Variants in RNFT1 observed in about 807,000 individuals in gnomAD.
RNFT1 encodes E3 ubiquitin-protein ligase RNFT1.
In RNFT1, 35 loss-of-function variants were observed where a neutral mutation model predicts 53.2. The ratio of observed to expected loss-of-function variants is 0.66; its 90% CI spans 0.50 to 0.87. RNFT1 has a LOEUF of 0.87. Ranked by LOEUF, RNFT1 falls within the 40% of genes least tolerant of loss-of-function variation. The pLI, the probability that RNFT1 is intolerant of heterozygous loss-of-function variation, is 0.00. For synonymous variants in RNFT1, 141 were observed against 172.8 expected, an observed-to-expected ratio of 0.82 and a Z score of 1.44; for missense variants, 421 against 515.0, an observed-to-expected ratio of 0.82 and a Z score of 1.77.
chr17:59,956,833 C>T (rs187116249), intron 6 of RNFT1, among the ~76,000 whole-genome samples: 1 of 152,284 alleles, frequency 6.6e-6, no homozygotes, highest in Admixed American at 6.5e-5. Context: ...CTGTTTTTAA[C>T]ATTTAGATTT....
intron 5 of RNFT1, 26 bp from the exon 6 acceptor site, chr17:59,957,408 G>A (rs1262520524): frequency 2.5e-6 from 4 of 1,588,152 alleles, no homozygotes; most frequent in Non-Finnish European, 3.4e-6. Context: ...AAAACAAATA[G>A]AGCTACCCAA....
At chr17:59,953,176 G>T in intron 8 of RNFT1, 65 bp from the exon 9 acceptor site, 4 of 1,267,458 alleles carry the variant, frequency 3.2e-6, no homozygotes, top group Admixed American at 2.4e-5. Context: ...ACATTGTAGG[G>T]AATGAAAGGG....
At chr17:59,964,509 T>C (rs1404274049) in intron 1 of RNFT1, 99 bp downstream of exon 1, 6 of 1,073,320 alleles carry the variant, frequency 5.6e-6, no homozygotes, top group Non-Finnish European at 8.0e-6. Context: ...GGCAGAGTTC[T>C]CCACCCACGT....
rs2045285121 is a variant in RNFT1 at position 59,960,696 on chromosome 17, C to T, written c.592-528G>A. Among the ~76,000 whole-genome samples the T allele has an allele frequency of 2.0e-5, 3 of 151,778 alleles. No homozygotes were observed. In the South Asian group the frequency reaches 6.2e-4, roughly 32 times the overall value. ...GGCGCCGTGGCACGTGCCTGTAATC[C>T]CAGCTACTCAGGAGGCTGAGGCACG... On this transcript the variant is annotated intron_variant, in intron 3 of 8. Transcript: ENST00000305783.
chr17:59,961,110 C>T (rs1447513985), intron 3 of RNFT1, among the ~76,000 whole-genome samples: 1 of 151,336 alleles, frequency 6.6e-6, no homozygotes, highest in Non-Finnish European at 1.5e-5. Context: ...GATCACAACT[C>T]ACTGCAGCCC....
At chr17:59,958,152 C>A in intron 5 of RNFT1, 139 bp downstream of exon 5, 1 of 782,358 alleles carries the variant, frequency 1.3e-6, no homozygotes, top group Non-Finnish European at 2.0e-6. Context: ...CAAATGGTTG[C>A]TAAGCTGAAA....
At position 59,960,185 on chromosome 17, in the gene RNFT1, T is replaced by G; in HGVS notation, c.592-17A>C. ...GGACCTTTCCTGAAAGATAAACAAT[T>G]TTATAATGTTACTTTGATTTTGCCA... On this transcript the variant is annotated splice_polypyrimidine_tract_variant and intron_variant, in intron 3 of 8. Transcript: ENST00000305783. 1 of 1,589,966 alleles carries G rather than the reference T, an allele frequency of 6.3e-7. No individual in the cohort carries two copies. Among genetic ancestry groups the G allele is most frequent in the South Asian group, 1.2e-5 (1 of 86,112 alleles).
At chr17:59,953,211 T>C in intron 8 of RNFT1, 100 bp from the exon 9 acceptor site, 1 of 958,142 alleles carries the variant, frequency 1.0e-6, no homozygotes, top group Non-Finnish European at 1.5e-6. Flanking sequence ...TTTTTTGAGA[T>C]GGAGACTGAA....
chr17:59,953,160 TC>T, intron 8 of RNFT1, 49 bp from the exon 9 acceptor site: 1 of 1,438,460 alleles, frequency 7.0e-7, no homozygotes, highest in Non-Finnish European at 9.6e-7. Flanking sequence ...TCATTTTAAA[TC>T]CATCACATTG....
Position 59,952,957 on chromosome 17 carries a change from G to A in RNFT1, c.*20C>T. 5 of 1,607,436 alleles carry A rather than the reference G, an allele frequency of 3.1e-6. 1 individual carries two copies. In the Admixed American group the frequency reaches 8.4e-5, roughly 27 times the overall value. On this transcript the variant is annotated 3_prime_UTR_variant, in exon 9 of 9. Coordinates refer to ENST00000305783, the MANE Select transcript of RNFT1 (RefSeq NM_016125.4). ...GACCAAATGACATTAGTATTTTGTG[G>A]CCTTGATAGTTTATACAACTTAATA...
In RNFT1 at chr17:59,957,238, A is replaced by G. The variant is rs1327621597; in HGVS notation, c.991T>C (p.Tyr331His). The G allele has an allele frequency of 3.1e-6, 5 of 1,612,858 alleles. No homozygotes were observed. Among genetic ancestry groups the G allele is most frequent in the Admixed American group, 3.4e-5 (2 of 59,658 alleles). The stretch of plus-strand genomic sequence containing the variant: ...ATGTTACCTACTTTTAATATGAGGT[A>G]GAGTAAAGCCAGCAGTATCCCAAGA... ...WSLGILLALL[Y>H]LILKLLEFFG... Residue 331 changes from tyrosine (Y) to histidine (H), a missense_variant, in exon 6 of 9, where the codon TAC (tyrosine) becomes CAC (histidine). Tyr to His is a moderately conservative substitution (Grantham distance 83). Coordinates refer to ENST00000305783, the MANE Select transcript of RNFT1 (RefSeq NM_016125.4).
rs2045321990 is a variant in RNFT1 at position 59,964,655 on chromosome 17, C to G, written c.9G>C (p.Leu3=). ...GAGGTGTCGGGAGCGACAGCAAGAA[C>G]AGCGGCATACACCGCCTCCAGCCCT... MP[L]FLLSLPTPPS... is the part of the protein sequence containing the mutation. The change falls in exon 1 of 9, where the codon CTG becomes CTC. Residue 3 remains leucine (L), a synonymous_variant. Transcript: ENST00000305783. The G allele has an allele frequency of 1.9e-6, 3 of 1,607,766 alleles. No homozygotes were observed. The African/African-American group carries it at 4.0e-5, about 22-fold the overall frequency.
At chr17:59,955,787 T>C (rs1259773813) in intron 7 of RNFT1, among the ~76,000 whole-genome samples, 1 of 152,150 alleles carries the variant, frequency 6.6e-6, no homozygotes, top group Non-Finnish European at 1.5e-5. Context: ...CCTTGGGCCC[T>C]GATGAAATGA....
At chr17:59,956,820 C>T (rs554974721) in intron 6 of RNFT1, among the ~76,000 whole-genome samples, 9 of 152,252 alleles carry the variant, frequency 5.9e-5, no homozygotes, top group African/African-American at 1.9e-4. Context: ...TTATCTGATT[C>T]ACCTGTTTTT....
intron 2 of RNFT1, 45 bp from the exon 3 acceptor site, chr17:59,962,661 A>G (rs1272168145): frequency 8.9e-6 from 13 of 1,464,976 alleles, no homozygotes; most frequent in Non-Finnish European, 8.4e-6. Context: ...AAAAAAATCA[A>G]AGAGGATTAT....
chr17:59,958,539 T>C (rs2045268066), intron 4 of RNFT1, 95 bp from the exon 5 acceptor site: 1 of 1,034,876 alleles, frequency 9.7e-7, no homozygotes, highest in Non-Finnish European at 1.4e-6. Context: ...TTTATTTTGA[T>C]ATGTAAAAAA....
intron 3 of RNFT1, among the ~76,000 whole-genome samples, chr17:59,960,450 A>AG (rs1389538836): frequency 2.7e-5 from 4 of 147,340 alleles, no homozygotes; most frequent in Non-Finnish European, 6.0e-5. Flanking sequence ...AAAAAAAAAA[A>AG]AAAAAAGAAA....
In RNFT1 at chr17:59,963,081, G is replaced by C; in HGVS notation, c.260C>G (p.Pro87Arg). Residue 87 changes from proline (P) to arginine (R), a missense_variant, in exon 2 of 9, where the codon CCT becomes CGT. Pro to Arg is a moderately radical substitution (Grantham distance 103). Coordinates refer to ENST00000305783, the MANE Select transcript of RNFT1 (RefSeq NM_016125.4). ...GDVHIQINSI[P>R]KECAENASSR... Reference sequence around the variant, plus strand: ...GCTTGCATTTTCTGCACATTCTTTAGGTATGGAGTTTATCTGGATATGAAC... The same window carrying C: ...GCTTGCATTTTCTGCACATTCTTTACGTATGGAGTTTATCTGGATATGAAC... The C allele has an allele frequency of 3.1e-6, 5 of 1,614,158 alleles. No individual in the cohort carries two copies. Among genetic ancestry groups the C allele is most frequent in the Non-Finnish European group, 4.2e-6 (5 of 1,180,042 alleles).
intron 6 of RNFT1, 104 bp from the exon 7 acceptor site, chr17:59,956,657 T>G (rs2045256222): frequency 4.0e-6 from 3 of 752,958 alleles, no homozygotes; most frequent in African/African-American, 3.5e-5. Context: ...CATATTAACT[T>G]AATGTTCATT....
Sources: gnomAD v4.1 joint callset for allele counts (sites outside exome capture counted in the v4.1 genomes callset) on GRCh38, gnomAD v4.1.1 for gene constraint, MANE v1.5 for transcripts, NCBI Gene and HGNC (gene_info 2026-07-23, HGNC 2026-07-21) for gene names.